The following SERF2 variants were observed in gnomAD, a reference collection of about 807,000 sequenced individuals.
The protein encoded by SERF2 is gastric cancer-related protein VRG107.
In SERF2, 4 loss-of-function variants were observed where a neutral mutation model predicts 10.7. The ratio of observed to expected loss-of-function variants is 0.37; its 90% CI spans 0.18 to 0.86. SERF2 has a LOEUF of 0.86. SERF2 is among the 40% of genes least tolerant of loss of function. SERF2 has a pLI of 0.43. For synonymous variants in SERF2, 26 were observed against 26.0 expected (o/e 1.00, Z 0.01); for missense variants, 47 against 79.1 (o/e 0.59, Z 1.54).
At chr15:43,792,932 G>A (rs1246033861) in intron 1 of SERF2, 43 bp from the exon 2 acceptor site, 1 of 1,407,356 alleles carries the variant, frequency 7.1e-7, no homozygotes, top group East Asian at 2.4e-5. Flanking sequence ...CGGTGTGTGG[G>A]CAGAGCGGCC....
At chr15:43,786,182 G>A (rs1434627942) in intron 2 of SERF2, among the ~76,000 whole-genome samples, 2 of 151,948 alleles carry the variant, frequency 1.3e-5, no homozygotes, top group Non-Finnish European at 2.9e-5. Context: ...TTGGGAGGCT[G>A]AGGCAGGCAG....
chr15:43,793,661 C>G (rs367904215), intron 2 of SERF2, 49 bp from the exon 3 acceptor site: 2 of 1,614,170 alleles, frequency 1.2e-6, no homozygotes, highest in Non-Finnish European at 8.5e-7. Flanking sequence ...TGCATCTTGT[C>G]CTTTTTGCCC....
chr15:43,790,730 A>G (rs1257327767), upstream of SERF2, among the ~76,000 whole-genome samples: 4 of 150,602 alleles, frequency 2.7e-5, no homozygotes, highest in Admixed American at 2.0e-4. Flanking sequence ...GATCACGCCA[A>G]TGCACTCCAG....
chr15:43,777,888 T>G (rs2086933269), intron 1 of SERF2: 1 of 151,202 alleles, frequency 6.6e-6, no homozygotes, highest in African/African-American at 2.4e-5. Flanking sequence ...ACCTGCACAA[T>G]CCCCGGGAAC....
In SERF2 at chr15:43,792,391, C is replaced by G; in HGVS notation, c.7+8C>G. 1.9e-6 allele frequency: 3 copies of G among 1,613,930 alleles called. No individual in the cohort carries two copies. The highest frequency in any genetic ancestry group is 1.3e-5 in the African/African-American group (1 of 75,060). ...CTGCCGTCGCCATGACCCGTGAGCA[C>G]CGAGCCCCCTTCTCCTTGCCCTTTT... On this transcript the variant is annotated splice_region_variant and intron_variant, in intron 1 of 2. Transcript: ENST00000249786.
At chr15:43,788,391 G>A (rs1384998919), upstream of SERF2, among the ~76,000 whole-genome samples, 1 of 152,232 alleles carries the variant, frequency 6.6e-6, no homozygotes, top group Non-Finnish European at 1.5e-5. Flanking sequence ...CTCCCAAAGT[G>A]CTGGGATTAC....
chr15:43,791,401 G>A (rs1209758278), upstream of SERF2, among the ~76,000 whole-genome samples: 1 of 149,934 alleles, frequency 6.7e-6, no homozygotes, highest in African/African-American at 2.5e-5. Flanking sequence ...CACCACGCCC[G>A]GCTAATTTTT....
chr15:43,791,563 G>C (rs2087061469), upstream of SERF2, among the ~76,000 whole-genome samples: 1 of 152,204 alleles, frequency 6.6e-6, no homozygotes, highest in African/African-American at 2.4e-5. Context: ...AAACCGGGTG[G>C]CTGGTGGCGA....
upstream of SERF2, among the ~76,000 whole-genome samples, chr15:43,790,014 C>T (rs1401720674): frequency 6.6e-6 from 1 of 151,848 alleles, no homozygotes; most frequent in Non-Finnish European, 1.5e-5. Flanking sequence ...TGGTGGCACG[C>T]ACCTGTAGGC....
chr15:43,787,379 A>G (rs2087016702), upstream of SERF2, among the ~76,000 whole-genome samples: 1 of 152,074 alleles, frequency 6.6e-6, no homozygotes, highest in Admixed American at 6.6e-5. Flanking sequence ...CCACTCTTGG[A>G]GTATAGGCTG....
In SERF2 at chr15:43,794,288, T is replaced by A; in HGVS notation, c.*515T>A. 3.5e-6 allele frequency: 1 copy of A among 286,300 alleles called. No homozygotes were observed. Among genetic ancestry groups the A allele is most frequent in the Non-Finnish European group, 6.6e-6 (1 of 152,302 alleles). The allele number at this position is 286,300 out of a possible 1,614,324, so 17.7% of individuals were successfully genotyped here. ...TTTCTGTGATTTTTGTTCCCCACCCTTGAACACCATCTCTAGGATGGAGTT... is the reference window on the plus strand; with the variant it reads ...TTTCTGTGATTTTTGTTCCCCACCCATGAACACCATCTCTAGGATGGAGTT... On this transcript the variant is annotated 3_prime_UTR_variant, in exon 3 of 3. Transcript: ENST00000249786.
At position 43,792,968 on chromosome 15, in the gene SERF2, T is replaced by A. The variant is rs1357203669; in HGVS notation, c.8-7T>A. The A allele has an allele frequency of 1.3e-6, 2 of 1,592,154 alleles. No homozygotes were observed. Among genetic ancestry groups the A allele is most frequent in the Non-Finnish European group, 1.7e-6 (2 of 1,166,292 alleles). ...CCCGCGTCTCACCTTTAATTTTCTT[T>A]CCTTAGGCGGTAACCAGCGTGAGCT... is the stretch of plus-strand genomic sequence containing the variant. On this transcript the variant is annotated splice_region_variant and splice_polypyrimidine_tract_variant and intron_variant, in intron 1 of 2. Transcript: ENST00000249786.
upstream of SERF2, among the ~76,000 whole-genome samples, chr15:43,787,876 T>G (rs1395691096): frequency 4.7e-5 from 7 of 147,672 alleles, no homozygotes; most frequent in Non-Finnish European, 1.0e-4. Context: ...ATTTTTAGTT[T>G]TTTTTTTTTT....
chr15:43,789,690 C>A (rs920728829), upstream of SERF2, among the ~76,000 whole-genome samples: 17 of 152,112 alleles, frequency 1.1e-4, no homozygotes, highest in Admixed American at 4.6e-4. Context: ...TGTTATTTTC[C>A]TTTAAAGCTA....
In SERF2 at chr15:43,795,673, T is replaced by C. The variant is rs756391238; in HGVS notation, c.*1900T>C. On this transcript the variant is annotated 3_prime_UTR_variant, in exon 3 of 3. Transcript: ENST00000249786. ...GAGATCTACCACTTCTTATGGTTCC[T>C]CACTTGGCACTCACCTTTGTCTGCC... is the stretch of plus-strand genomic sequence containing the variant. 1.2e-6 allele frequency: 2 copies of C among 1,613,830 alleles called. No homozygotes were observed. The highest frequency in any genetic ancestry group is 1.7e-6 in the Non-Finnish European group (2 of 1,179,772).
At chr15:43,777,232 G>A (rs2086927781) in exon 1 of SERF2, 1 of 511,078 alleles carries the variant, frequency 2.0e-6, no homozygotes, top group South Asian at 1.6e-5. Flanking sequence ...AGAGTCCCCA[G>A]TCCTGCCTTA....
At chr15:43,788,090 G>A (rs893419123), upstream of SERF2, among the ~76,000 whole-genome samples, 2 of 152,018 alleles carry the variant, frequency 1.3e-5, no homozygotes, top group African/African-American at 4.8e-5. Flanking sequence ...GGCCAGACTG[G>A]TCTTGAACTC....
At chr15:43,779,577 G>A (rs1272331561) in intron 1 of SERF2, among the ~76,000 whole-genome samples, 1 of 151,818 alleles carries the variant, frequency 6.6e-6, no homozygotes, top group Non-Finnish European at 1.5e-5. Context: ...CTGCATCCTC[G>A]AACTCCTGGG....
At position 43,793,894 on chromosome 15, in the gene SERF2, C is replaced by T. The variant is rs777603295; in HGVS notation, c.*121C>T. The stretch of plus-strand genomic sequence containing the variant: ...CCAGCACCGATGGCATTCCCTTTGC[C>T]CTGAGTCTGCAGCGGGTCCCTTTTG... On this transcript the variant is annotated 3_prime_UTR_variant, in exon 3 of 3. Coordinates refer to ENST00000249786, the MANE Select transcript of SERF2 (RefSeq NM_001018108.4). The T allele has an allele frequency of 5.6e-6, 9 of 1,597,784 alleles. No homozygotes were observed. The highest frequency in any genetic ancestry group is 4.3e-6 in the Non-Finnish European group (5 of 1,171,792).
Sources: allele counts gnomAD v4.1 joint callset (sites outside exome capture counted in the v4.1 genomes callset), GRCh38; gene constraint gnomAD v4.1.1; transcripts MANE v1.5; gene names NCBI Gene and HGNC (gene_info 2026-07-23, HGNC 2026-07-21).